Variants in SGCG observed in about 807,000 individuals in gnomAD.
SGCG encodes gamma-sarcoglycan.
A neutral mutation model predicts 29.3 loss-of-function variants in SGCG; 26 were observed. The observed-to-expected ratio is 0.89, with a 90% CI of 0.65 to 1.23. The LOEUF is 1.23. Among genes scored for constraint, SGCG ranks in the 50% most tolerant of loss-of-function variants. The pLI, the probability that SGCG is intolerant of heterozygous loss-of-function variation, is 0.00. For missense variants in SGCG, 353 were observed against 356.0 expected, an observed-to-expected ratio of 0.99 and a Z score of 0.07; for synonymous variants, 145 against 129.7, an observed-to-expected ratio of 1.12 and a Z score of -0.80.
chr13:23,255,272 G>A (rs1394185217), intron 4 of SGCG, among the ~76,000 whole-genome samples: 1 of 152,162 alleles, frequency 6.6e-6, no homozygotes, highest in South Asian at 2.1e-4. Context: ...CCATCTTATT[G>A]CCCCTTTCCT....
chr13:23,306,984 T>A (rs1047122442), intron 6 of SGCG, among the ~76,000 whole-genome samples: 9 of 152,246 alleles, frequency 5.9e-5, no homozygotes, highest in African/African-American at 2.2e-4. Flanking sequence ...TGTAAATGTA[T>A]AAGTTGCCCT....
At chr13:23,219,050 G>GTT (rs552376857) in intron 2 of SGCG, among the ~76,000 whole-genome samples, 3 of 143,752 alleles carry the variant, frequency 2.1e-5, no homozygotes, top group Admixed American at 6.9e-5. Context: ...ATTTTTATGG[G>GTT]TTGTTTTTTT....
chr13:23,279,270 A>G (rs1411134685), intron 4 of SGCG, 89 bp from the exon 5 acceptor site: 1 of 1,216,208 alleles, frequency 8.2e-7, no homozygotes, highest in African/African-American at 1.5e-5. Context: ...GATACTTGGT[A>G]TTGTAGGGTT....
At chr13:23,194,843 A>G (rs1230040429) in intron 1 of SGCG, among the ~76,000 whole-genome samples, 1 of 152,144 alleles carries the variant, frequency 6.6e-6, no homozygotes, top group East Asian at 1.9e-4. Flanking sequence ...GGTGCCCACT[A>G]TAACAGTATA....
chr13:23,211,076 G>A (rs1878184550), intron 2 of SGCG, among the ~76,000 whole-genome samples: 1 of 152,196 alleles, frequency 6.6e-6, no homozygotes, highest in African/African-American at 2.4e-5. Flanking sequence ...TGATTGGAGG[G>A]TACTGGCTTG....
chr13:23,301,962 CAGTTT>C (rs1454572443), intron 6 of SGCG, among the ~76,000 whole-genome samples: 7 of 152,046 alleles, frequency 4.6e-5, no homozygotes, highest in Middle Eastern at 3.4e-3. Flanking sequence ...TTTACCAAGT[CAGTTT>C]AGCAATGATG....
chr13:23,303,860 A>G (rs986795443), intron 6 of SGCG, among the ~76,000 whole-genome samples: 5 of 152,142 alleles, frequency 3.3e-5, no homozygotes, highest in African/African-American at 4.8e-5. Flanking sequence ...AGGTATACCA[A>G]TTTGCACACT....
intron 6 of SGCG, among the ~76,000 whole-genome samples, chr13:23,308,996 T>G (rs1882456891): frequency 6.6e-6 from 1 of 152,196 alleles, no homozygotes; most frequent in Non-Finnish European, 1.5e-5. Flanking sequence ...ATGGTATATC[T>G]CTCTATTCAC....
At chr13:23,286,656 C>T (rs536331270) in intron 5 of SGCG, among the ~76,000 whole-genome samples, 26 of 151,772 alleles carry the variant, frequency 1.7e-4, no homozygotes, top group Non-Finnish European at 3.7e-4. Context: ...AAATGAGACC[C>T]AGTAAGAGAT....
intron 4 of SGCG, among the ~76,000 whole-genome samples, chr13:23,255,718 G>A (rs1387593093): frequency 2.0e-5 from 3 of 152,078 alleles, no homozygotes; most frequent in Non-Finnish European, 2.9e-5. Flanking sequence ...TTTAAGAGTC[G>A]GGGTTTTAAG....
chr13:23,303,778 A>G (rs1188496756), intron 6 of SGCG, among the ~76,000 whole-genome samples: 3 of 152,226 alleles, frequency 2.0e-5, no homozygotes, highest in African/African-American at 7.2e-5. Context: ...TCCATGGGTG[A>G]AAAAGATAAA....
intron 5 of SGCG, among the ~76,000 whole-genome samples, chr13:23,279,919 G>C (rs983288629): frequency 6.6e-6 from 1 of 151,910 alleles, no homozygotes; most frequent in African/African-American, 2.4e-5. Context: ...GTAGAGGCAG[G>C]GTTTCTCCAT....
chr13:23,296,410 T>C (rs949391401), intron 6 of SGCG, among the ~76,000 whole-genome samples: 1 of 152,368 alleles, frequency 6.6e-6, no homozygotes, highest in African/African-American at 2.4e-5. Flanking sequence ...TATCTCTTTT[T>C]TAATTTGTAG....
At chr13:23,177,085 C>A (rs1227070052), upstream of SGCG, among the ~76,000 whole-genome samples, 2 of 152,098 alleles carry the variant, frequency 1.3e-5, no homozygotes, top group Non-Finnish European at 2.9e-5. Flanking sequence ...ATGGATGAAC[C>A]TGAAGGACAT....
rs373555646 is a variant in SGCG at position 23,228,974 on chromosome 13, G to A, written c.196-5637G>A. ...CAACCTCCACCTCCCGAGTTCAAGC[G>A]ATTCTCCAGCCTCAGCCCCCGAGTA... is the stretch of plus-strand genomic sequence containing the variant. On this transcript the variant is annotated intron_variant, in intron 2 of 7. Transcript: ENST00000218867. Among the ~76,000 whole-genome samples, 17 of 152,236 alleles carry A rather than the reference G, an allele frequency of 1.1e-4. No individual in the cohort carries two copies. In the South Asian group the frequency reaches 1.7e-3, roughly 15 times the overall value.
At chr13:23,315,045 A>T (rs952887621) in intron 6 of SGCG, among the ~76,000 whole-genome samples, 1 of 152,222 alleles carries the variant, frequency 6.6e-6, no homozygotes, top group Non-Finnish European at 1.5e-5. Context: ...AGCAGATCCA[A>T]TGGTGCTTGA....
chr13:23,216,465 C>G (rs1878432334), intron 2 of SGCG, among the ~76,000 whole-genome samples: 1 of 151,968 alleles, frequency 6.6e-6, no homozygotes, highest in Admixed American at 6.5e-5. Context: ...AGATTGATAA[C>G]AAAAAATTAC....
intron 4 of SGCG, among the ~76,000 whole-genome samples, chr13:23,255,404 G>C (rs1370940558): frequency 6.6e-6 from 1 of 152,220 alleles, no homozygotes; most frequent in Non-Finnish European, 1.5e-5. Flanking sequence ...ATGAATCTCA[G>C]ATGAGACTTA....
intron 3 of SGCG, among the ~76,000 whole-genome samples, chr13:23,250,008 A>T (rs1195989969): frequency 6.6e-6 from 1 of 152,234 alleles, no homozygotes; most frequent in Non-Finnish European, 1.5e-5. Context: ...TTACTGATAC[A>T]TAAAATTGTG....
Sources: gnomAD v4.1 joint callset for allele counts (sites outside exome capture counted in the v4.1 genomes callset) on GRCh38, gnomAD v4.1.1 for gene constraint, MANE v1.5 for transcripts, NCBI Gene and HGNC (gene_info 2026-07-23, HGNC 2026-07-21) for gene names.